The following PDE4B variants were observed in gnomAD, a reference collection of about 807,000 sequenced individuals.
PDE4B encodes 3',5'-cyclic-AMP phosphodiesterase 4B.
Under a neutral mutation model 82.2 loss-of-function variants are expected in PDE4B, and 20 were observed. That is an observed-to-expected ratio of 0.24 (90% CI 0.17 to 0.35). The LOEUF (loss-of-function observed/expected upper bound fraction) is 0.35. PDE4B is among the 10% of genes least tolerant of loss of function. The pLI, the probability that PDE4B is intolerant of heterozygous loss-of-function variation, is 1.00. For synonymous variants in PDE4B, 320 were observed against 318.9 expected (o/e 1.00, Z -0.04); for missense variants, 655 against 907.2 (o/e 0.72, Z 3.57).
intron 11 of PDE4B, 65 bp downstream of exon 11, chr1:66,363,331 TCTTA>T (rs1662963874): frequency 2.6e-6 from 4 of 1,544,022 alleles, no homozygotes; most frequent in East Asian, 4.5e-5. Context: ...TTTTTTTCCA[TCTTA>T]CTTTTCTGAT....
chr1:66,135,270 AT>A (rs1221439475), intron 3 of PDE4B, among the ~76,000 whole-genome samples: 1 of 152,194 alleles, frequency 6.6e-6, no homozygotes, highest in Non-Finnish European at 1.5e-5. Context: ...CTCAGATGTA[AT>A]TTTTTAGGTG....
intron 3 of PDE4B, among the ~76,000 whole-genome samples, chr1:65,927,384 G>A (rs969582651): frequency 6.7e-6 from 1 of 148,682 alleles, no homozygotes; most frequent in Non-Finnish European, 1.5e-5. Context: ...TATACTACAT[G>A]TGAAGGCAGA....
intron 8 of PDE4B, among the ~76,000 whole-genome samples, chr1:66,350,549 T>C (rs991154472): frequency 1.3e-5 from 2 of 152,104 alleles, no homozygotes; most frequent in Non-Finnish European, 2.9e-5. Flanking sequence ...TAAATTAGTC[T>C]TAGAAGAAGC....
chr1:65,964,280 T>A (rs1294524719), intron 3 of PDE4B, among the ~76,000 whole-genome samples: 1 of 152,134 alleles, frequency 6.6e-6, no homozygotes, highest in East Asian at 1.9e-4. Flanking sequence ...CCAGGTTACA[T>A]GCCAAGCAAT....
At chr1:66,037,591 A>G (rs1048026481) in intron 3 of PDE4B, among the ~76,000 whole-genome samples, 1 of 152,036 alleles carries the variant, frequency 6.6e-6, no homozygotes, top group Non-Finnish European at 1.5e-5. Flanking sequence ...ATCATTTCCT[A>G]TTTTGATGCC....
At chr1:66,287,157 GT>G (rs1656736805) in intron 7 of PDE4B, among the ~76,000 whole-genome samples, 1 of 152,180 alleles carries the variant, frequency 6.6e-6, no homozygotes, top group African/African-American at 2.4e-5. Context: ...GTGGATGGTG[GT>G]TTTCTTCTCA....
At chr1:66,297,148 C>T (rs778353102) in intron 7 of PDE4B, among the ~76,000 whole-genome samples, 2 of 151,986 alleles carry the variant, frequency 1.3e-5, no homozygotes, top group African/African-American at 4.8e-5. Flanking sequence ...TTCAGAGTCT[C>T]GGGGGAAAAT....
chr1:66,363,944 A>G (rs1439495949), intron 12 of PDE4B, among the ~76,000 whole-genome samples: 3 of 152,136 alleles, frequency 2.0e-5, no homozygotes, highest in Admixed American at 1.3e-4. Context: ...TTGCTTTCTA[A>G]TATCAGAGTA....
In PDE4B at chr1:66,185,317, T is replaced by A. The variant is rs371168717; in HGVS notation, c.282-62143T>A. On this transcript the variant is annotated intron_variant, in intron 3 of 16. Transcript: ENST00000341517. Reference sequence around the variant, plus strand: ...AATAAACATACGTGTGCATGTGTCTTTATAGCAGCATGATTTATAACCCTT... The same window carrying A: ...AATAAACATACGTGTGCATGTGTCTATATAGCAGCATGATTTATAACCCTT... Among the ~76,000 whole-genome samples the A allele has an allele frequency of 6.6e-5, 10 of 152,342 alleles. No homozygotes were observed. In the East Asian group the frequency reaches 1.7e-3, roughly 26 times the overall value.
At chr1:66,210,155 C>T (rs993753983) in intron 3 of PDE4B, among the ~76,000 whole-genome samples, 45 of 152,264 alleles carry the variant, frequency 3.0e-4, no homozygotes, top group African/African-American at 9.4e-4. Context: ...TTTACACTAA[C>T]GGCCGTGTGC....
chr1:66,201,293 T>C (rs1490436076), intron 3 of PDE4B, among the ~76,000 whole-genome samples: 1 of 152,218 alleles, frequency 6.6e-6, no homozygotes, highest in Non-Finnish European at 1.5e-5. Context: ...TCAAGGATAT[T>C]GGTCTAAAAT....
At chr1:66,234,923 G>T (rs1317879788) in intron 3 of PDE4B, among the ~76,000 whole-genome samples, 1 of 152,034 alleles carries the variant, frequency 6.6e-6, no homozygotes, top group Non-Finnish European at 1.5e-5. Context: ...TGAACATGCT[G>T]CTTTAGCTGC....
intron 3 of PDE4B, chr1:65,993,187 G>A (rs748062717): frequency 1.0e-5 from 14 of 1,394,668 alleles, no homozygotes; most frequent in Admixed American, 2.0e-5. Flanking sequence ...TCAGATTCTC[G>A]CATTAGCACC....
At chr1:66,193,058 A>G (rs1647967257) in intron 3 of PDE4B, among the ~76,000 whole-genome samples, 1 of 152,198 alleles carries the variant, frequency 6.6e-6, no homozygotes, top group South Asian at 2.1e-4. Context: ...ATCCATTTAA[A>G]AAGATATGGA....
At chr1:66,177,283 C>T (rs1366480570) in intron 3 of PDE4B, among the ~76,000 whole-genome samples, 1 of 152,166 alleles carries the variant, frequency 6.6e-6, no homozygotes, top group Admixed American at 6.5e-5. Context: ...GATGTGAACA[C>T]CATGAAGGCA....
intron 16 of PDE4B, among the ~76,000 whole-genome samples, chr1:66,370,735 C>T (rs969854786): frequency 2.6e-5 from 4 of 152,002 alleles, no homozygotes; most frequent in South Asian, 2.1e-4. Flanking sequence ...GCAAAACAAG[C>T]GAAGAAAGGA....
intron 7 of PDE4B, among the ~76,000 whole-genome samples, chr1:66,310,713 A>G (rs1658607332): frequency 6.6e-6 from 1 of 152,164 alleles, no homozygotes; most frequent in South Asian, 2.1e-4. Flanking sequence ...CTGTACAGCT[A>G]CGTGCTAATG....
At chr1:65,942,787 C>A (rs11208773) in intron 3 of PDE4B, among the ~76,000 whole-genome samples, 1 of 152,016 alleles carries the variant, frequency 6.6e-6, no homozygotes, top group African/African-American at 2.4e-5. Context: ...TGATGTTGAA[C>A]GTTTTTTCAT....
intron 2 of PDE4B, among the ~76,000 whole-genome samples, chr1:65,914,700 C>A (rs887236155): frequency 6.6e-6 from 1 of 151,656 alleles, no homozygotes; most frequent in Non-Finnish European, 1.5e-5. Flanking sequence ...CTGAGCAATG[C>A]CTTCCATACG....
Sources: gnomAD v4.1 joint callset for allele counts (sites outside exome capture counted in the v4.1 genomes callset) on GRCh38, gnomAD v4.1.1 for gene constraint, MANE v1.5 for transcripts, NCBI Gene and HGNC (gene_info 2026-07-23, HGNC 2026-07-21) for gene names.